The following UNK variants were observed in gnomAD, a reference collection of about 807,000 sequenced individuals.
The protein encoded by UNK is unk zinc finger.
UNK carries 32 observed loss-of-function variants against 97.6 expected under a neutral mutation model. The observed-to-expected ratio is 0.33, with a 90% confidence interval of 0.25 to 0.44. UNK has a LOEUF of 0.44. Among genes scored for constraint, UNK ranks in the 20% least tolerant of loss-of-function variants. UNK has a pLI of 1.00. For synonymous variants in UNK, 441 were observed against 461.2 expected (o/e 0.96, Z 0.56); for missense variants, 771 against 1,098.4 (o/e 0.70, Z 4.21).
intron 1 of UNK, among the ~76,000 whole-genome samples, chr17:75,791,205 T>C (rs1050949153): frequency 1.3e-5 from 2 of 152,226 alleles, no homozygotes; most frequent in Admixed American, 6.5e-5. Context: ...GAATAAATAC[T>C]TTATAGCTTC....
chr17:75,790,475 T>TA (rs2061753953), intron 1 of UNK, among the ~76,000 whole-genome samples: 1 of 150,722 alleles, frequency 6.6e-6, no homozygotes, highest in Admixed American at 6.6e-5. Flanking sequence ...TACTAAAAAT[T>TA]AAAAAAACGA....
At chr17:75,785,184 G>T in intron 1 of UNK, 200 bp downstream of exon 1, 1 of 514,240 alleles carries the variant, frequency 1.9e-6, no homozygotes, top group South Asian at 2.9e-5. Flanking sequence ...GCTGTGGGGC[G>T]GGAAACTCGG....
chr17:75,797,495 G>A (rs769932497), intron 1 of UNK, among the ~76,000 whole-genome samples: 49 of 152,370 alleles, frequency 3.2e-4, no homozygotes, highest in Non-Finnish European at 5.3e-4. Flanking sequence ...TTGGCTGTCC[G>A]AAGTGCTGGG....
rs1477768855 is a variant in UNK at position 75,812,289 on chromosome 17, G to GTGGGCTGGGTGC, written c.491+11_491+22dup. 1 of 1,609,528 alleles carries GTGGGCTGGGTGC rather than the reference G, an allele frequency of 6.2e-7. No individual in the cohort carries two copies. Among genetic ancestry groups the GTGGGCTGGGTGC allele is most frequent in the Non-Finnish European group, 8.5e-7 (1 of 1,177,012 alleles). The stretch of plus-strand genomic sequence containing the variant: ...TCCGCTCCCCTGTCTACGACATCAG[G>GTGGGCTGGGTGC]TGGGCTGGGTGCTGGGCTGGGCTGA... On this transcript the variant is annotated splice_donor_variant, in intron 3 of 15. Coordinates refer to ENST00000589666, the MANE Select transcript of UNK (RefSeq NM_001080419.3). LOFTEE classifies it high-confidence loss of function.
chr17:75,813,085 T>A lies in UNK; in HGVS notation c.630T>A (p.Ala210=). The part of the protein sequence containing the change: ...LSEEPRWQET[A]YVLGNYKTEP... ...CTCTGGCCCCCTGTGCAGAGACTGC[T>A]TATGTGCTGGGGAACTATAAGACGG... Residue 210 remains alanine (A), a synonymous_variant, in exon 5 of 16, where the codon GCT becomes GCA. Transcript: ENST00000589666. The A allele has an allele frequency of 6.3e-7, 1 of 1,587,190 alleles. No individual in the cohort carries two copies. Among genetic ancestry groups the A allele is most frequent in the Non-Finnish European group, 8.6e-7 (1 of 1,166,806 alleles).
At chr17:75,793,639 A>G (rs995991357) in intron 1 of UNK, 1 of 985,310 alleles carries the variant, frequency 1.0e-6, no homozygotes, top group Non-Finnish European at 1.2e-6. Flanking sequence ...ATCTGAACTT[A>G]TTGAACTGTT....
At chr17:75,813,481 C>T (rs1189965100) in intron 5 of UNK, among the ~76,000 whole-genome samples, 1 of 152,230 alleles carries the variant, frequency 6.6e-6, no homozygotes, top group Non-Finnish European at 1.5e-5. Flanking sequence ...GAATGAGGAC[C>T]AGGCCACAGC....
At chr17:75,814,649 G>A (rs1045517420) in intron 6 of UNK, among the ~76,000 whole-genome samples, 1 of 152,184 alleles carries the variant, frequency 6.6e-6, no homozygotes, top group Non-Finnish European at 1.5e-5. Flanking sequence ...CCTAGGTCTT[G>A]TCTGGGGTTC....
rs199746326 is a variant in UNK, at chr17:75,819,529, T to C, written c.1547-155T>C. On this transcript the variant is annotated intron_variant, in intron 11 of 15. Transcript: ENST00000589666. This position sits in a 1 kb window ranked among gnomAD's most constrained non-coding sequence, Gnocchi z 5.4. ...CGGTGTCAGAAGTCAGGAGTCAGGATTGGCATAGGAAGCAGCTGAAGGAAG... is the reference window on the plus strand; with the variant it reads ...CGGTGTCAGAAGTCAGGAGTCAGGACTGGCATAGGAAGCAGCTGAAGGAAG... 65 of 658,404 alleles carry C rather than the reference T, an allele frequency of 9.9e-5. No individual in the cohort carries two copies. In the East Asian group the frequency reaches 1.7e-3, roughly 17 times the overall value. 40.8% of individuals were successfully genotyped at this position (658,404 alleles called of 1,614,324 possible).
At chr17:75,814,347 C>T (rs2061997865) in intron 6 of UNK, among the ~76,000 whole-genome samples, 2 of 151,924 alleles carry the variant, frequency 1.3e-5, no homozygotes, top group Non-Finnish European at 2.9e-5. Context: ...CAAAAATTAG[C>T]CAGATTTGGT....
intron 1 of UNK, among the ~76,000 whole-genome samples, chr17:75,797,958 C>T (rs1383774431): frequency 6.6e-6 from 1 of 152,024 alleles, no homozygotes; most frequent in Non-Finnish European, 1.5e-5. Context: ...GCCTATATGT[C>T]TCTGTACTCA....
rs1009768234 is a variant in UNK at position 75,792,343 on chromosome 17, C to T, written c.104+7359C>T. On this transcript the variant is annotated intron_variant, in intron 1 of 15. Coordinates refer to ENST00000589666, the MANE Select transcript of UNK (RefSeq NM_001080419.3). ...GTTGATACTAAAGGAGGTTTTCCCACTATCCGTATGCATCTTCTCTGTTTT... is the reference window on the plus strand; with the variant it reads ...GTTGATACTAAAGGAGGTTTTCCCATTATCCGTATGCATCTTCTCTGTTTT... 22 of 985,344 alleles carry T rather than the reference C, an allele frequency of 2.2e-5. No individual in the cohort carries two copies. In the African/African-American group the frequency reaches 3.8e-4, roughly 17 times the overall value. The allele number at this position is 985,344 out of a possible 1,614,324, so 61.0% of individuals were successfully genotyped here. A position where few individuals can be genotyped will look rare whatever the true frequency, so the allele number is the denominator to read the frequency against.
At chr17:75,792,015 T>C (rs2061767510) in intron 1 of UNK, 1 of 985,438 alleles carries the variant, frequency 1.0e-6, no homozygotes, top group Non-Finnish European at 1.2e-6. Context: ...CCCTGATGCC[T>C]GAAGGTGAGG....
intron 1 of UNK, among the ~76,000 whole-genome samples, chr17:75,790,541 A>G (rs1262172486): frequency 6.6e-6 from 1 of 151,864 alleles, no homozygotes; most frequent in East Asian, 1.9e-4. Context: ...CCGAGGTGGG[A>G]GGATCCCTGA....
intron 1 of UNK, among the ~76,000 whole-genome samples, chr17:75,799,712 C>T (rs528264374): frequency 6.6e-5 from 10 of 152,288 alleles, no homozygotes; most frequent in South Asian, 2.1e-4. Flanking sequence ...GCAGTATTCA[C>T]ATAGTGCAGT....
chr17:75,794,357 C>T (rs1027306574), intron 1 of UNK, among the ~76,000 whole-genome samples: 3 of 152,180 alleles, frequency 2.0e-5, no homozygotes, highest in African/African-American at 7.2e-5. Flanking sequence ...GTTTAGTTAG[C>T]CGGGCATGGT....
Position 75,784,985 on chromosome 17 carries a change from G to C in UNK, c.104+1G>C. On this transcript the variant is annotated splice_donor_variant, in intron 1 of 15. Transcript: ENST00000589666. LOFTEE classifies it high-confidence loss of function. ...AGCCCGAGAAACCGCAGCACTACAC[G>C]TACGTAGAGCCCCCCCCCCCCCGCC... The C allele has an allele frequency of 1.4e-6, 2 of 1,432,300 alleles. No individual in the cohort carries two copies. Among genetic ancestry groups the C allele is most frequent in the Non-Finnish European group, 1.8e-6 (2 of 1,081,870 alleles). The allele number at this position is 1,432,300 out of a possible 1,614,324, so 88.7% of individuals were successfully genotyped here. A position where few individuals can be genotyped will look rare whatever the true frequency, so the allele number is the denominator to read the frequency against.
In UNK at chr17:75,784,889, G is replaced by A. The variant is rs1333965720; in HGVS notation, c.9G>A (p.Lys3=). 13 of 1,587,322 alleles carry A rather than the reference G, an allele frequency of 8.2e-6. No individual in the cohort carries two copies. Among genetic ancestry groups the A allele is most frequent in the East Asian group, 2.3e-5 (1 of 43,792 alleles). MS[K]GPGPGGSAAS... ...GGCAGGAAGACAAGACCATGTCGAA[G>A]GGCCCCGGGCCCGGCGGCTCCGCAG... is the stretch of plus-strand genomic sequence containing the variant. The change falls in exon 1 of 16, where the codon AAG becomes AAA. Residue 3 remains lysine, a synonymous_variant. Transcript: ENST00000589666.
chr17:75,796,025 C>T (rs749286500), intron 1 of UNK, among the ~76,000 whole-genome samples: 2 of 152,162 alleles, frequency 1.3e-5, no homozygotes, highest in Admixed American at 6.5e-5. Context: ...TGTGTGTGCA[C>T]GGGCGTGTGT....
Sources: allele counts gnomAD v4.1 joint callset (sites outside exome capture counted in the v4.1 genomes callset), GRCh38; gene constraint gnomAD v4.1.1; non-coding constraint Gnocchi (gnomAD v3.1); transcripts MANE v1.5; gene names NCBI Gene and HGNC (gene_info 2026-07-23, HGNC 2026-07-21).